The following TBX15 variants were observed in gnomAD, a reference collection of about 807,000 sequenced individuals.
TBX15 encodes T-box transcription factor TBX15.
Under a neutral mutation model 53.9 loss-of-function variants are expected in TBX15, and 18 were observed. The ratio of observed to expected loss-of-function variants is 0.33; its 90% CI spans 0.23 to 0.49. TBX15 has a LOEUF of 0.49. Ranked by LOEUF, TBX15 falls within the 20% of genes least tolerant of loss-of-function variation. TBX15 has a pLI of 0.98. For missense variants in TBX15, 692 were observed against 749.5 expected, an observed-to-expected ratio of 0.92 and a Z score of 0.90; for synonymous variants, 295 against 278.0, an observed-to-expected ratio of 1.06 and a Z score of -0.61.
intron 1 of TBX15, among the ~76,000 whole-genome samples, chr1:118,973,627 T>G (rs183458072): frequency 6.6e-6 from 1 of 152,164 alleles, no homozygotes; most frequent in Non-Finnish European, 1.5e-5. Flanking sequence ...GAAAATAGAC[T>G]GGCAAAGAAA....
intron 1 of TBX15, among the ~76,000 whole-genome samples, chr1:118,939,187 G>A (rs1015631371): frequency 6.6e-6 from 1 of 151,634 alleles, no homozygotes; most frequent in East Asian, 1.9e-4. Context: ...CAGGCAGATC[G>A]CTTGAGCCCA....
At chr1:118,963,191 C>T (rs977978279) in intron 1 of TBX15, among the ~76,000 whole-genome samples, 3 of 152,188 alleles carry the variant, frequency 2.0e-5, no homozygotes, top group Admixed American at 2.0e-4. Context: ...AAAACCCAGC[C>T]ATAATATTAA....
At chr1:118,960,338 A>G (rs6689568) in intron 1 of TBX15, among the ~76,000 whole-genome samples, 44,938 of 152,108 alleles carry the variant, frequency 0.3, 6,966 homozygotes, top group Non-Finnish European at 0.32. Flanking sequence ...CGAGAGCCCC[A>G]TGCATTTTTG....
At position 118,987,732 on chromosome 1, in the gene TBX15, C is replaced by T; in HGVS notation, c.64G>A (p.Ala22Thr). ...CGTTTTTTATTTGAGCCGATCAAGG[C>T]TTCAACGGAGAAGGCATGTGCTCGC... Reference protein sequence around the residue: ...SSRAHAFSVEALIGSNKKRKL... With the variant: ...SSRAHAFSVETLIGSNKKRKL... Residue 22 changes from alanine to threonine, a missense_variant, in exon 1 of 8, where the codon GCC becomes ACC. Transcript: ENST00000369429. The T allele has an allele frequency of 6.4e-7, 1 of 1,550,412 alleles. No homozygotes were observed. The highest frequency in any genetic ancestry group is 8.7e-7 in the Non-Finnish European group (1 of 1,146,870).
intron 1 of TBX15, among the ~76,000 whole-genome samples, chr1:118,951,886 T>C (rs1656526996): frequency 6.6e-6 from 1 of 152,230 alleles, no homozygotes; most frequent in African/African-American, 2.4e-5. Context: ...CTCCTGCCAG[T>C]GTTCAAAATC....
chr1:118,967,523 C>T (rs74766875), intron 1 of TBX15, among the ~76,000 whole-genome samples: 1 of 152,174 alleles, frequency 6.6e-6, no homozygotes, highest in African/African-American at 2.4e-5. Context: ...TCCGTACAAA[C>T]AGCACCTCAT....
intron 5 of TBX15, among the ~76,000 whole-genome samples, chr1:118,921,421 C>T (rs992889240): frequency 6.6e-6 from 1 of 152,074 alleles, no homozygotes; most frequent in East Asian, 1.9e-4. Context: ...ACAATTGCTC[C>T]CAATCCTCAT....
chr1:118,890,173 C>A (rs1035258079), intron 7 of TBX15, among the ~76,000 whole-genome samples: 1 of 152,108 alleles, frequency 6.6e-6, no homozygotes, highest in African/African-American at 2.4e-5. Context: ...CAGCTAAGGC[C>A]CTACCTGTGC....
rs1354947041 is a variant in TBX15, at chr1:118,885,306, C to T, written c.1235G>A (p.Ser412Asn). The change falls in exon 8 of 8, where the codon AGC becomes AAC. Residue 412 changes from serine to asparagine, a missense_variant. Physicochemically the swap from Ser to Asn is conservative, Grantham distance 46. Around this residue, in one of 3 missense-constraint regions of TBX15, gnomAD observed 375 missense variants for 371.6 expected, o/e 1.01. Coordinates refer to ENST00000369429, the MANE Select transcript of TBX15 (RefSeq NM_001330677.2). ...CARSNMAALQ[S>N]YPGLSDSGYN... ...GCCACTGTCACTCAGCCCTGGGTAG[C>T]TCTGCAAGGCAGCCATGTTGCTTCG... is the stretch of plus-strand genomic sequence containing the variant. The T allele has an allele frequency of 1.2e-6, 2 of 1,614,108 alleles. No homozygotes were observed. Among genetic ancestry groups the T allele is most frequent in the South Asian group, 1.1e-5 (1 of 91,080 alleles).
Position 118,914,195 on chromosome 1 carries a change from T to A in TBX15, c.862-16A>T. On this transcript the variant is annotated splice_polypyrimidine_tract_variant and intron_variant, in intron 5 of 7. Coordinates refer to ENST00000369429, the MANE Select transcript of TBX15 (RefSeq NM_001330677.2). Reference sequence around the variant, plus strand: ...ATCTGGTAATCTGGAAACAAACAAATAAGTATGAATTGCTTTTATATTAAC... The same window carrying A: ...ATCTGGTAATCTGGAAACAAACAAAAAAGTATGAATTGCTTTTATATTAAC... The A allele has an allele frequency of 6.2e-7, 1 of 1,610,324 alleles. No homozygotes were observed. The highest frequency in any genetic ancestry group is 8.5e-7 in the Non-Finnish European group (1 of 1,176,912).
chr1:118,982,516 G>A (rs1338615425), intron 1 of TBX15, among the ~76,000 whole-genome samples: 1 of 152,222 alleles, frequency 6.6e-6, no homozygotes, highest in Non-Finnish European at 1.5e-5. Flanking sequence ...GAGGGTTAAT[G>A]ACGAGGAACT....
intron 1 of TBX15, among the ~76,000 whole-genome samples, chr1:118,954,200 A>G (rs1656606469): frequency 6.6e-6 from 1 of 152,228 alleles, no homozygotes; most frequent in African/African-American, 2.4e-5. Context: ...AGGAAAGCTA[A>G]GGAGTTTCCC....
At chr1:118,897,116 A>G (rs1042526886) in intron 7 of TBX15, among the ~76,000 whole-genome samples, 3 of 152,186 alleles carry the variant, frequency 2.0e-5, no homozygotes, top group Non-Finnish European at 4.4e-5. Flanking sequence ...AATTTTTAGT[A>G]TAAGTACCAT....
rs891146855 is a variant in TBX15, at chr1:118,987,810, C to T, written c.-15G>A. The T allele has an allele frequency of 5.2e-6, 8 of 1,547,902 alleles. No homozygotes were observed. Among genetic ancestry groups the T allele is most frequent in the Non-Finnish European group, 6.1e-6 (7 of 1,146,004 alleles). ...CTTTCACTCATTTTAGCCGCCCACA[C>T]CCCTGCCTCCGCTTGCCCCCGCTAC... On this transcript the variant is annotated 5_prime_UTR_variant, in exon 1 of 8. It adds an upstream start codon to the 5' untranslated region. Coordinates refer to ENST00000369429, the MANE Select transcript of TBX15 (RefSeq NM_001330677.2).
intron 6 of TBX15, among the ~76,000 whole-genome samples, chr1:118,908,386 A>C (rs1421084761): frequency 6.6e-6 from 1 of 152,008 alleles, no homozygotes; most frequent in African/African-American, 2.4e-5. Flanking sequence ...CCAAAAAAAA[A>C]AAAAAAAAAT....
intron 6 of TBX15, among the ~76,000 whole-genome samples, 153 bp downstream of exon 6, chr1:118,913,962 C>T (rs545504686): frequency 1.3e-5 from 2 of 152,260 alleles, no homozygotes; most frequent in African/African-American, 2.4e-5. Context: ...GAATTTGATT[C>T]TTACGTTAGC....
chr1:118,945,210 G>C (rs1656309683), intron 1 of TBX15, among the ~76,000 whole-genome samples: 1 of 152,140 alleles, frequency 6.6e-6, no homozygotes, highest in African/African-American at 2.4e-5. Flanking sequence ...TGAATTGAGA[G>C]AGCCTGTCTA....
chr1:118,925,130 C>T (rs1655551095), intron 3 of TBX15, among the ~76,000 whole-genome samples: 1 of 152,216 alleles, frequency 6.6e-6, no homozygotes, highest in African/African-American at 2.4e-5. Context: ...TCTCTCCATG[C>T]CGTGCACCCC....
At chr1:118,975,825 A>G (rs1042575938) in intron 1 of TBX15, among the ~76,000 whole-genome samples, 1 of 152,238 alleles carries the variant, frequency 6.6e-6, no homozygotes, top group South Asian at 2.1e-4. Flanking sequence ...GGAGAAGTAT[A>G]GTAACATCTG....
Sources: allele counts gnomAD v4.1 joint callset (sites outside exome capture counted in the v4.1 genomes callset), GRCh38; gene constraint gnomAD v4.1.1; regional missense constraint gnomAD v4.1.1; transcripts MANE v1.5; gene names NCBI Gene and HGNC (gene_info 2026-07-23, HGNC 2026-07-21).